Variants in LRRC55 observed in about 807,000 individuals in gnomAD.
LRRC55 encodes the protein leucine rich repeat containing 55, also known as leucine-rich repeat-containing protein 55.
LRRC55 carries 11 observed loss-of-function variants against 20.5 expected under a neutral mutation model. The ratio of observed to expected loss-of-function variants is 0.54; its 90% CI spans 0.34 to 0.89. The LOEUF (loss-of-function observed/expected upper bound fraction) is 0.89, where lower values mean the gene tolerates loss of function less well. LRRC55 is among the 40% of genes least tolerant of loss of function. The pLI is 0.02. For missense variants in LRRC55, 358 were observed against 390.9 expected (o/e 0.92, Z 0.71); for synonymous variants, 188 against 166.6 (o/e 1.13, Z -0.99).
intron 1 of LRRC55, among the ~76,000 whole-genome samples, chr11:57,186,301 C>A (rs570232381): frequency 5.1e-4 from 78 of 152,318 alleles, no homozygotes; most frequent in African/African-American, 1.8e-3. Context: ...CTCTTATATT[C>A]ATGTTGTAAA....
Position 57,190,934 on chromosome 11 carries a change from G to A in LRRC55, c.*3454G>A, listed in dbSNP as rs1203174659. The A allele has an allele frequency of 2.0e-5, 3 of 152,190 alleles. No homozygotes were observed. Among genetic ancestry groups the A allele is most frequent in the Non-Finnish European group, 4.4e-5 (3 of 68,042 alleles). The allele number at this position is 152,190 out of a possible 1,614,324, so 9.4% of individuals were successfully genotyped here. Reference sequence around the variant, plus strand: ...GGCAGAGGCATCCTAATGAGAACCTGACTTCTCCTTGCTTCCCTCTGCTCT... The same window carrying A: ...GGCAGAGGCATCCTAATGAGAACCTAACTTCTCCTTGCTTCCCTCTGCTCT... On this transcript the variant is annotated 3_prime_UTR_variant, in exon 2 of 2. Transcript: ENST00000497933.
intron 1 of LRRC55, 58 bp from the exon 2 acceptor site, chr11:57,187,187 C>A (rs1202253017): frequency 2.0e-6 from 3 of 1,505,252 alleles, no homozygotes; most frequent in Non-Finnish European, 2.8e-6. Context: ...TGTGGGTGGA[C>A]TTTCCAATCC....
rs187759808 is a variant in LRRC55 at position 57,186,373 on chromosome 11, G to T, written c.662-872G>T. 1.5e-3 allele frequency among the ~76,000 whole-genome samples: 232 copies of T among 152,274 alleles called. 2 individuals carry two copies. Among genetic ancestry groups the T allele is most frequent in the African/African-American group, 5.3e-3 (219 of 41,538 alleles). On this transcript the variant is annotated intron_variant, in intron 1 of 1. Coordinates refer to ENST00000497933, the MANE Select transcript of LRRC55 (RefSeq NM_001005210.4). Reference sequence around the variant, plus strand: ...CTCATGCTAAAGATACCATGGGAGGGGCTTATATTGAAAGGGGAGAAGACA... The same window carrying T: ...CTCATGCTAAAGATACCATGGGAGGTGCTTATATTGAAAGGGGAGAAGACA...
chr11:57,189,538 G>A lies in LRRC55; in HGVS notation c.*2058G>A, dbSNP rs186520060. The A allele has an allele frequency of 6.6e-6, 1 of 152,412 alleles. No homozygotes were observed. The highest frequency in any genetic ancestry group is 1.9e-4 in the East Asian group (1 of 5,190). The allele number at this position is 152,412 out of a possible 1,614,324, so 9.4% of individuals were successfully genotyped here. On this transcript the variant is annotated 3_prime_UTR_variant, in exon 2 of 2. Coordinates refer to ENST00000497933, the MANE Select transcript of LRRC55 (RefSeq NM_001005210.4). ...CAATGGTGGCCATGGTGGCAGTCATGTGAAAAGTAAGATCTTTGGGAATCA... is the reference window on the plus strand; with the variant it reads ...CAATGGTGGCCATGGTGGCAGTCATATGAAAAGTAAGATCTTTGGGAATCA...
At position 57,189,077 on chromosome 11, in the gene LRRC55, T is replaced by C. The variant is rs544549871; in HGVS notation, c.*1597T>C. The C allele has an allele frequency of 7.3e-6, 1 of 136,904 alleles. No homozygotes were observed. The highest frequency in any genetic ancestry group is 2.3e-4 in the South Asian group (1 of 4,390). 8.5% of individuals were successfully genotyped at this position (136,904 alleles called of 1,614,324 possible). On this transcript the variant is annotated 3_prime_UTR_variant, in exon 2 of 2. Transcript: ENST00000497933. ...TCATCAGTTTCGTCAGCAGCATCAT[T>C]ATCTTCCCTCTATTTGTTCAGCACC...
At position 57,182,522 on chromosome 11, in the gene LRRC55, T is replaced by C; in HGVS notation, c.500T>C (p.Leu167Pro). ...AFQGLMQLRDLDLSYGGLAFL... is the reference protein window; with the variant it reads ...AFQGLMQLRDPDLSYGGLAFL... Reference sequence around the variant, plus strand: ...CAGGGCCTCATGCAGCTCCGAGACCTGGACCTCAGTTATGGGGGCCTGGCC... The same window carrying C: ...CAGGGCCTCATGCAGCTCCGAGACCCGGACCTCAGTTATGGGGGCCTGGCC... Residue 167 changes from leucine to proline, a missense_variant, in exon 1 of 2, where the codon CTG (leucine) becomes CCG (proline). By Grantham distance (98) the Leu-to-Pro change is moderately conservative. This residue lies in a region of LRRC55 where 178 missense variants were observed against 207.9 expected (regional missense o/e 0.86). Coordinates refer to ENST00000497933, the MANE Select transcript of LRRC55 (RefSeq NM_001005210.4). 1 of 1,592,018 alleles carries C rather than the reference T, an allele frequency of 6.3e-7. No individual in the cohort carries two copies. The highest frequency in any genetic ancestry group is 1.1e-5 in the South Asian group (1 of 88,872).
intron 1 of LRRC55, among the ~76,000 whole-genome samples, chr11:57,184,525 A>T (rs1311890695): frequency 6.6e-6 from 1 of 152,218 alleles, no homozygotes; most frequent in African/African-American, 2.4e-5. Flanking sequence ...CCTCCACAGA[A>T]CACACTTAAC....
Position 57,189,010 on chromosome 11 carries a change from A to T in LRRC55, c.*1530A>T, listed in dbSNP as rs1429889930. Reference sequence around the variant, plus strand: ...CTAATCAGTCAGTCAAAAATCAAGTAACTTTACGAGCAAAGCACAATTATC... The same window carrying T: ...CTAATCAGTCAGTCAAAAATCAAGTTACTTTACGAGCAAAGCACAATTATC... On this transcript the variant is annotated 3_prime_UTR_variant, in exon 2 of 2. Transcript: ENST00000497933. 6.6e-6 allele frequency: 1 copy of T among 152,260 alleles called. No homozygotes were observed. Among genetic ancestry groups the T allele is most frequent in the Non-Finnish European group, 1.5e-5 (1 of 68,056 alleles). 9.4% of individuals were successfully genotyped at this position (152,260 alleles called of 1,614,324 possible). A position where few individuals can be genotyped will look rare whatever the true frequency, so the allele number is the denominator to read the frequency against.
At position 57,181,957 on chromosome 11, in the gene LRRC55, ACT is replaced by A. The variant is rs1565178648; in HGVS notation, c.-62_-61del. On this transcript the variant is annotated 5_prime_UTR_variant, in exon 1 of 2. Transcript: ENST00000497933. ...ATGTAGCTGCCTTCCTGTGTCACAG[ACT>A]CTCGATTCCATGGACACAGTCCTCA... 6.2e-7 allele frequency: 1 copy of A among 1,613,520 alleles called. No individual in the cohort carries two copies. The highest frequency in any genetic ancestry group is 8.5e-7 in the Non-Finnish European group (1 of 1,179,780).
intron 1 of LRRC55, among the ~76,000 whole-genome samples, chr11:57,183,383 T>C (rs1458115095): frequency 2.0e-5 from 3 of 152,192 alleles, no homozygotes; most frequent in Admixed American, 6.5e-5. Flanking sequence ...AGGCCCTCTC[T>C]TAAGCAGCTT....
At position 57,187,052 on chromosome 11, in the gene LRRC55, C is replaced by A. The variant is rs557989667; in HGVS notation, c.662-193C>A. Reference sequence around the variant, plus strand: ...ACTCTTTAAACAGTACTTTCCACATCTATAGAAATAGGCATAAAAATCCTT... The same window carrying A: ...ACTCTTTAAACAGTACTTTCCACATATATAGAAATAGGCATAAAAATCCTT... On this transcript the variant is annotated intron_variant, in intron 1 of 1. Coordinates refer to ENST00000497933, the MANE Select transcript of LRRC55 (RefSeq NM_001005210.4). Among the ~76,000 whole-genome samples the A allele has an allele frequency of 9.2e-5, 14 of 152,348 alleles. No individual in the cohort carries two copies. The East Asian group carries it at 2.7e-3, about 29-fold the overall frequency.
chr11:57,186,211 A>G lies in LRRC55; in HGVS notation c.662-1034A>G, dbSNP rs148270055. Reference sequence around the variant, plus strand: ...AACTAGGCCAATAGCTCTGGAACCCATACTCTTAACTCTATACCCTGTGTA... The same window carrying G: ...AACTAGGCCAATAGCTCTGGAACCCGTACTCTTAACTCTATACCCTGTGTA... On this transcript the variant is annotated intron_variant, in intron 1 of 1. Transcript: ENST00000497933. Among the ~76,000 whole-genome samples the G allele has an allele frequency of 2.7e-3, 414 of 152,246 alleles. 2 individuals are homozygous for G. Among genetic ancestry groups the G allele is most frequent in the African/African-American group, 9.4e-3 (389 of 41,542 alleles).
Position 57,187,486 on chromosome 11 carries a change from C to T in LRRC55, c.*6C>T. The T allele has an allele frequency of 1.2e-6, 2 of 1,611,946 alleles. No individual in the cohort carries two copies. The highest frequency in any genetic ancestry group is 1.7e-6 in the Non-Finnish European group (2 of 1,179,096). ...GTGAAGAGGAAGAGATCTGACATGC[C>T]TGCCTCTCATCCCTCCATGCTGCTG... On this transcript the variant is annotated 3_prime_UTR_variant, in exon 2 of 2. Coordinates refer to ENST00000497933, the MANE Select transcript of LRRC55 (RefSeq NM_001005210.4).
chr11:57,188,324 G>A lies in LRRC55; in HGVS notation c.*844G>A, dbSNP rs1357785733. 2 of 152,676 alleles carry A rather than the reference G, an allele frequency of 1.3e-5. No individual in the cohort carries two copies. The highest frequency in any genetic ancestry group is 2.9e-5 in the Non-Finnish European group (2 of 68,080). 9.5% of individuals were successfully genotyped at this position (152,676 alleles called of 1,614,324 possible). Reference sequence around the variant, plus strand: ...TGGCACCTTGGGATCCTAATCATGTGACTGTTCTTGCCACAGTGCTCATGC... The same window carrying A: ...TGGCACCTTGGGATCCTAATCATGTAACTGTTCTTGCCACAGTGCTCATGC... On this transcript the variant is annotated 3_prime_UTR_variant, in exon 2 of 2. Coordinates refer to ENST00000497933, the MANE Select transcript of LRRC55 (RefSeq NM_001005210.4).
At chr11:57,185,264 T>A (rs1261050726) in intron 1 of LRRC55, among the ~76,000 whole-genome samples, 1 of 118,936 alleles carries the variant, frequency 8.4e-6, no homozygotes, top group Non-Finnish European at 1.8e-5. Context: ...TCTTTTCTTT[T>A]CTTTTCTTTT....
chr11:57,183,403 C>T (rs1215586008), intron 1 of LRRC55, among the ~76,000 whole-genome samples: 1 of 152,208 alleles, frequency 6.6e-6, no homozygotes, highest in Non-Finnish European at 1.5e-5. Flanking sequence ...TTACCTATCT[C>T]TTCCTATCCC....
At position 57,182,690 on chromosome 11, in the gene LRRC55, G is replaced by A. The variant is rs1198207827; in HGVS notation, c.661+7G>A. ...ATCCAGCGCTGTACAGCAGGTAATA[G>A]AGGGGCAGAACGGGGCAGTCAACAG... On this transcript the variant is annotated splice_region_variant and intron_variant, in intron 1 of 1. Coordinates refer to ENST00000497933, the MANE Select transcript of LRRC55 (RefSeq NM_001005210.4). 6.7e-7 allele frequency: 1 copy of A among 1,491,500 alleles called. No individual in the cohort carries two copies. Among genetic ancestry groups the A allele is most frequent in the African/African-American group, 1.4e-5 (1 of 71,506 alleles). 92.4% of individuals were successfully genotyped at this position (1,491,500 alleles called of 1,614,324 possible).
In LRRC55 at chr11:57,182,310, G is replaced by T. The variant is rs1282461155; in HGVS notation, c.288G>T (p.Leu96Phe). The part of the protein sequence containing the change: ...TCYMELQVLD[L>F]HNNSLMELPR... Reference sequence around the variant, plus strand: ...ACATGGAGCTCCAGGTGCTGGATTTGCACAACAACTCCTTAATGGAGCTGC... The same window carrying T: ...ACATGGAGCTCCAGGTGCTGGATTTTCACAACAACTCCTTAATGGAGCTGC... Residue 96 changes from leucine (L) to phenylalanine (F), a missense_variant, in exon 1 of 2, where the codon TTG becomes TTT. Transcript: ENST00000497933. 5 of 1,614,112 alleles carry T rather than the reference G, an allele frequency of 3.1e-6. No homozygotes were observed. In the East Asian group the frequency reaches 1.1e-4, roughly 36 times the overall value.
chr11:57,182,538 G>A lies in LRRC55; in HGVS notation c.516G>A (p.Gly172=). 4 of 1,578,406 alleles carry A rather than the reference G, an allele frequency of 2.5e-6. No individual in the cohort carries two copies. Among genetic ancestry groups the A allele is most frequent in the Non-Finnish European group, 3.4e-6 (4 of 1,159,652 alleles). The change falls in exon 1 of 2, where the codon GGG becomes GGA. Residue 172 remains glycine (G), a synonymous_variant. Transcript: ENST00000497933. ...TCCGAGACCTGGACCTCAGTTATGG[G>A]GGCCTGGCCTTCCTCAGCCTGGAGG... ...MQLRDLDLSY[G]GLAFLSLEAL... is the part of the protein sequence containing the mutation.
Sources: gnomAD v4.1 joint callset for allele counts (sites outside exome capture counted in the v4.1 genomes callset) on GRCh38, gnomAD v4.1.1 for gene constraint, gnomAD v4.1.1 regional missense constraint, MANE v1.5 for transcripts, NCBI Gene and HGNC (gene_info 2026-07-23, HGNC 2026-07-21) for gene names.